FIP1L1: variants seen among roughly 807,000 people sequenced by gnomAD.
FIP1L1 encodes pre-mRNA 3'-end-processing factor FIP1.
In FIP1L1, 21 loss-of-function variants were observed where a neutral mutation model predicts 84.6. The ratio of observed to expected loss-of-function variants is 0.25; its 90% CI spans 0.18 to 0.36. FIP1L1 has a LOEUF of 0.36. FIP1L1 is among the 10% of genes least tolerant of loss of function. The pLI is 1.00. For missense variants in FIP1L1, 526 were observed against 751.1 expected (o/e 0.70, Z 3.50); for synonymous variants, 263 against 242.3 (o/e 1.09, Z -0.80).
intron 12 of FIP1L1, 133 bp downstream of exon 12, chr4:53,426,098 C>T (rs1301066419): frequency 1.4e-5 from 7 of 491,808 alleles, no homozygotes; most frequent in African/African-American, 2.0e-5. Flanking sequence ...AATGTGAAGC[C>T]AGTCATTTAT....
At chr4:53,406,143 G>A (rs1753301873) in intron 10 of FIP1L1, among the ~76,000 whole-genome samples, 2 of 152,216 alleles carry the variant, frequency 1.3e-5, no homozygotes, top group East Asian at 1.9e-4. Context: ...TTGGCTGTGG[G>A]TTTGTTATAG....
In FIP1L1 at chr4:53,458,640, A is replaced by G. The variant is rs113583540; in HGVS notation, c.1500-13A>G. The G allele has an allele frequency of 3.2e-5, 51 of 1,606,092 alleles. No individual in the cohort carries two copies. In the African/African-American group the frequency reaches 4.6e-4, roughly 14 times the overall value. On this transcript the variant is annotated splice_polypyrimidine_tract_variant and intron_variant, in intron 16 of 17. Transcript: ENST00000337488. Reference sequence around the variant, plus strand: ...GTCCAGTTGTCAAGAAAACATTTCTATTTCAATTTCAGCGATGAAGAACGA... The same window carrying G: ...GTCCAGTTGTCAAGAAAACATTTCTGTTTCAATTTCAGCGATGAAGAACGA...
chr4:53,439,771 C>A (rs1428521810), intron 13 of FIP1L1, among the ~76,000 whole-genome samples: 2 of 151,746 alleles, frequency 1.3e-5, no homozygotes, highest in Non-Finnish European at 2.9e-5. Flanking sequence ...ATTTGCATGC[C>A]ACATAAATTG....
At chr4:53,430,033 T>A (rs1765879805) in intron 13 of FIP1L1, among the ~76,000 whole-genome samples, 2 of 152,182 alleles carry the variant, frequency 1.3e-5, no homozygotes, top group Admixed American at 6.5e-5. Context: ...GTGCAGTAAT[T>A]GTCTTTCTGT....
In FIP1L1 at chr4:53,390,995, T is replaced by G; in HGVS notation, c.506-14T>G. ...CTGAAATATTTGTACACTAAAGTTG[T>G]GTTTTATCTTTAGGTGCTGATCTTT... On this transcript the variant is annotated splice_polypyrimidine_tract_variant and intron_variant, in intron 7 of 17. Transcript: ENST00000337488. The G allele has an allele frequency of 6.4e-7, 1 of 1,571,128 alleles. No homozygotes were observed. Among genetic ancestry groups the G allele is most frequent in the Middle Eastern group, 1.9e-4 (1 of 5,386 alleles).
At chr4:53,380,247 T>C (rs1737108242) in intron 3 of FIP1L1, among the ~76,000 whole-genome samples, 1 of 152,252 alleles carries the variant, frequency 6.6e-6, no homozygotes, top group Non-Finnish European at 1.5e-5. Context: ...CATCAACTGA[T>C]GAATGGATAG....
At chr4:53,413,191 G>A (rs1757954624) in intron 10 of FIP1L1, among the ~76,000 whole-genome samples, 4 of 151,428 alleles carry the variant, frequency 2.6e-5, no homozygotes, top group African/African-American at 2.4e-5. Flanking sequence ...TTATAGTTTG[G>A]CATTACCAGG....
At chr4:53,399,869 G>A (rs1479002100) in intron 10 of FIP1L1, 30 bp downstream of exon 10, 1 of 1,356,422 alleles carries the variant, frequency 7.4e-7, no homozygotes, top group East Asian at 2.3e-5. Context: ...CTCAATTACT[G>A]TACGACATTG....
chr4:53,434,575 G>A (rs746371507), intron 13 of FIP1L1, among the ~76,000 whole-genome samples: 3 of 151,648 alleles, frequency 2.0e-5, no homozygotes, highest in South Asian at 4.2e-4. Context: ...AGGTTCAAGC[G>A]ATTCTCCTGC....
intron 11 of FIP1L1, among the ~76,000 whole-genome samples, chr4:53,415,624 T>C (rs1759174276): frequency 6.6e-6 from 1 of 151,816 alleles, no homozygotes; most frequent in South Asian, 2.1e-4. Flanking sequence ...ATTTAAAAAC[T>C]TAAAAAATAC....
chr4:53,444,808 G>C (rs6842770), intron 15 of FIP1L1, among the ~76,000 whole-genome samples: 1 of 152,108 alleles, frequency 6.6e-6, no homozygotes, highest in Admixed American at 6.5e-5. Flanking sequence ...CTGGGCTCAA[G>C]CAATTCTCCT....
chr4:53,401,023 C>T lies in FIP1L1; in HGVS notation c.815+1184C>T, dbSNP rs560449647. ...TGGAGTTCAGATGCTGGCTCTGCGGCTTACTAGCTGTGCTGTCGTTGGGCA... is the reference window on the plus strand; with the variant it reads ...TGGAGTTCAGATGCTGGCTCTGCGGTTTACTAGCTGTGCTGTCGTTGGGCA... On this transcript the variant is annotated intron_variant, in intron 10 of 17. Transcript: ENST00000337488. Among the ~76,000 whole-genome samples the T allele has an allele frequency of 7.9e-5, 12 of 152,254 alleles. 1 individual carries two copies. The South Asian group carries it at 2.3e-3, about 29-fold the overall frequency.
At position 53,382,459 on chromosome 4, in the gene FIP1L1, T is replaced by G. The variant is rs1578104661; in HGVS notation, c.228+124T>G. ...TATCAGGTGTTATCTGGCCCTTTCT[T>G]ACATCTCCTACTTCATCTGGTGCCA... On this transcript the variant is annotated intron_variant, in intron 4 of 17. Coordinates refer to ENST00000337488, the MANE Select transcript of FIP1L1 (RefSeq NM_030917.4). The G allele has an allele frequency of 7.4e-6, 5 of 672,512 alleles. No homozygotes were observed. In the East Asian group the frequency reaches 1.3e-4, roughly 18 times the overall value. The allele number at this position is 672,512 out of a possible 1,614,324, so 41.7% of individuals were successfully genotyped here.
At chr4:53,441,167 ATTT>A (rs1771749335) in intron 13 of FIP1L1, among the ~76,000 whole-genome samples, 1 of 151,612 alleles carries the variant, frequency 6.6e-6, no homozygotes, top group African/African-American at 2.4e-5. Context: ...TTATTTATTT[ATTT>A]ATTTTTACAT....
Position 53,453,020 on chromosome 4 carries a change from TAGAGAG to T in FIP1L1, c.1392_1397del (p.Glu464_Arg465del), listed in dbSNP as rs754149079. The T allele has an allele frequency of 2.5e-6, 4 of 1,612,622 alleles. No individual in the cohort carries two copies. The highest frequency in any genetic ancestry group is 3.4e-6 in the Non-Finnish European group (4 of 1,179,298). On this transcript the variant is annotated inframe_deletion, in exon 16 of 18. Transcript: ENST00000337488. Reference sequence around the variant, plus strand: ...ATGCCAGAAGAGAGAAAGACCGAGATAGAGAGAGAGACAGAGACAGAGAGCGAGACC... The same window carrying T: ...ATGCCAGAAGAGAGAAAGACCGAGATAGAGACAGAGACAGAGAGCGAGACC...
At chr4:53,453,801 G>T (rs752161947) in intron 16 of FIP1L1, among the ~76,000 whole-genome samples, 4 of 152,154 alleles carry the variant, frequency 2.6e-5, no homozygotes, top group Non-Finnish European at 5.9e-5. Flanking sequence ...GGATCTTGCT[G>T]TGTTGCCCAG....
intron 11 of FIP1L1, among the ~76,000 whole-genome samples, chr4:53,422,403 CTA>C (rs1406486400): frequency 1.3e-5 from 2 of 151,920 alleles, no homozygotes; most frequent in African/African-American, 4.8e-5. Flanking sequence ...AGTTTAAAAA[CTA>C]TTGTACTCAT....
chr4:53,413,563 T>A (rs1317456716), intron 10 of FIP1L1, among the ~76,000 whole-genome samples: 2 of 152,114 alleles, frequency 1.3e-5, no homozygotes, highest in Admixed American at 1.3e-4. Flanking sequence ...CCCAGAATCT[T>A]GAAATACACA....
At chr4:53,439,636 G>A (rs1247956256) in intron 13 of FIP1L1, among the ~76,000 whole-genome samples, 2 of 151,876 alleles carry the variant, frequency 1.3e-5, no homozygotes, top group South Asian at 2.1e-4. Context: ...TTAGGAAACC[G>A]TTCCAACTGT....
Sources: gnomAD v4.1 joint callset for allele counts (sites outside exome capture counted in the v4.1 genomes callset) on GRCh38, gnomAD v4.1.1 for gene constraint, MANE v1.5 for transcripts, NCBI Gene and HGNC (gene_info 2026-07-23, HGNC 2026-07-21) for gene names.